The following CMTM8 variants were observed in gnomAD, a reference collection of about 807,000 sequenced individuals.
CMTM8 encodes the protein CKLF-like MARVEL transmembrane domain-containing protein 8.
A neutral mutation model predicts 18.6 loss-of-function variants in CMTM8; 12 were observed. That is an observed-to-expected ratio of 0.65 (90% CI 0.41 to 1.05). The LOEUF is 1.05. CMTM8 is among the 50% of genes least tolerant of loss of function. CMTM8 has a pLI of 0.00. For synonymous variants in CMTM8, 87 were observed against 90.6 expected (o/e 0.96, Z 0.23); for missense variants, 217 against 227.2 (o/e 0.95, Z 0.29).
At chr3:32,288,546 G>T (rs946519861) in intron 1 of CMTM8, among the ~76,000 whole-genome samples, 6 of 151,074 alleles carry the variant, frequency 4.0e-5, no homozygotes, top group African/African-American at 1.5e-4. Flanking sequence ...TATCACCCAG[G>T]CTGCAGTGCA....
At chr3:32,246,766 A>G (rs1480410901) in intron 1 of CMTM8, among the ~76,000 whole-genome samples, 1 of 152,156 alleles carries the variant, frequency 6.6e-6, no homozygotes, top group Non-Finnish European at 1.5e-5. Flanking sequence ...TCTGAGGATG[A>G]TTACTTAGAA....
chr3:32,344,809 C>T (rs1696562895), intron 1 of CMTM8, among the ~76,000 whole-genome samples: 1 of 152,102 alleles, frequency 6.6e-6, no homozygotes, highest in Admixed American at 6.5e-5. Flanking sequence ...GTGGGAGAAT[C>T]GCTTGAGCCC....
rs149494418 is a variant in CMTM8, at chr3:32,260,508, G to A, written c.147+21389G>A. ...AATTCATTGTACATTCCCTTACCTGGATTGCTTTCTGTTTTTCATTTACTA... is the reference window on the plus strand; with the variant it reads ...AATTCATTGTACATTCCCTTACCTGAATTGCTTTCTGTTTTTCATTTACTA... On this transcript the variant is annotated intron_variant, in intron 1 of 3. Transcript: ENST00000307526. 1.0e-3 allele frequency among the ~76,000 whole-genome samples: 158 copies of A among 152,174 alleles called. No homozygotes were observed. In the East Asian group the frequency reaches 0.026, roughly 25 times the overall value.
intron 1 of CMTM8, among the ~76,000 whole-genome samples, chr3:32,269,213 T>A (rs1056301570): frequency 2.6e-5 from 4 of 152,212 alleles, no homozygotes; most frequent in African/African-American, 9.7e-5. Flanking sequence ...CCTTCAACTT[T>A]AGTTTTAGAG....
intron 2 of CMTM8, 31 bp from the exon 3 acceptor site, chr3:32,367,840 TC>T (rs775590330): frequency 8.9e-6 from 13 of 1,467,558 alleles, no homozygotes; most frequent in Non-Finnish European, 1.2e-5. Flanking sequence ...CCCTCCCCTC[TC>T]CCTAAACACT....
intron 1 of CMTM8, among the ~76,000 whole-genome samples, chr3:32,274,903 G>C (rs932477477): frequency 2.2e-4 from 33 of 152,184 alleles, no homozygotes; most frequent in Middle Eastern, 6.3e-3. Flanking sequence ...GTTATGTGTT[G>C]TTGGCAGAAA....
At chr3:32,350,287 T>C (rs971897457) in intron 1 of CMTM8, among the ~76,000 whole-genome samples, 113 of 152,232 alleles carry the variant, frequency 7.4e-4, no homozygotes, top group African/African-American at 2.7e-3. Context: ...TTGACTTACC[T>C]GTTAACCACC....
chr3:32,260,293 G>GAA, intron 1 of CMTM8: 1 of 749,808 alleles, frequency 1.3e-6, no homozygotes, highest in Non-Finnish European at 2.2e-6. Flanking sequence ...GAGGTCATTG[G>GAA]AAAAAAAAAG....
intron 1 of CMTM8, among the ~76,000 whole-genome samples, chr3:32,346,609 G>A (rs1696600485): frequency 1.2e-4 from 1 of 8,034 alleles, no homozygotes; most frequent in Non-Finnish European, 0.011. Context: ...ATGAGAGGAA[G>A]CTCTCTTGGT....
chr3:32,261,288 A>G (rs2125537549), intron 1 of CMTM8, among the ~76,000 whole-genome samples: 1 of 152,346 alleles, frequency 6.6e-6, no homozygotes, highest in South Asian at 2.1e-4. Flanking sequence ...ACCGTGTGCC[A>G]GAATCTGTGT....
intron 1 of CMTM8, among the ~76,000 whole-genome samples, chr3:32,306,313 G>A (rs980131650): frequency 2.6e-4 from 40 of 152,212 alleles, no homozygotes; most frequent in Admixed American, 2.5e-3. Context: ...CTTGGAACTT[G>A]ACCACAGTCA....
At chr3:32,254,638 A>G (rs373765490) in intron 1 of CMTM8, among the ~76,000 whole-genome samples, 1 of 152,184 alleles carries the variant, frequency 6.6e-6, no homozygotes, top group Non-Finnish European at 1.5e-5. Context: ...ATATAATTAT[A>G]TGATTCCATT....
chr3:32,284,069 T>G (rs2125551659), intron 1 of CMTM8, among the ~76,000 whole-genome samples: 1 of 152,206 alleles, frequency 6.6e-6, no homozygotes, highest in African/African-American at 2.4e-5. Context: ...CTGGCCAACA[T>G]GGTGAAACCC....
chr3:32,340,928 A>G (rs1213177309), intron 1 of CMTM8, among the ~76,000 whole-genome samples: 3 of 152,286 alleles, frequency 2.0e-5, no homozygotes, highest in South Asian at 2.1e-4. Flanking sequence ...CCCATAGCCT[A>G]TTTACTGACT....
intron 1 of CMTM8, chr3:32,259,251 C>G (rs760526979): frequency 2.8e-5 from 17 of 606,024 alleles, no homozygotes; most frequent in Middle Eastern, 4.2e-4. Context: ...AAGTGAAGAG[C>G]CTGGAGACCG....
chr3:32,267,691 C>T (rs1000919435), intron 1 of CMTM8, among the ~76,000 whole-genome samples: 1 of 152,076 alleles, frequency 6.6e-6, no homozygotes, highest in African/African-American at 2.4e-5. Flanking sequence ...AAAATTTTTT[C>T]AATCTGCTCA....
chr3:32,266,361 T>C (rs1024598468), intron 1 of CMTM8, among the ~76,000 whole-genome samples: 2 of 152,210 alleles, frequency 1.3e-5, no homozygotes, highest in Non-Finnish European at 2.9e-5. Flanking sequence ...AACCACATGA[T>C]TATCTCAATA....
At chr3:32,260,693 A>G (rs1323702239) in intron 1 of CMTM8, among the ~76,000 whole-genome samples, 9 of 146,794 alleles carry the variant, frequency 6.1e-5, no homozygotes, top group South Asian at 4.3e-4. Flanking sequence ...CCCTGTTTTC[A>G]CATGTTTATA....
At chr3:32,326,599 C>G (rs1417484300) in intron 1 of CMTM8, among the ~76,000 whole-genome samples, 1 of 150,598 alleles carries the variant, frequency 6.6e-6, no homozygotes, top group East Asian at 2.0e-4. Context: ...TCACTGCAAC[C>G]TCTGCCTTCC....
Sources: gnomAD v4.1 joint callset for allele counts (sites outside exome capture counted in the v4.1 genomes callset) on GRCh38, gnomAD v4.1.1 for gene constraint, MANE v1.5 for transcripts, NCBI Gene and HGNC (gene_info 2026-07-23, HGNC 2026-07-21) for gene names.